Variants in DGKI observed in about 807,000 individuals in gnomAD.
DGKI encodes diacylglycerol kinase iota, also known as DAG kinase iota.
DGKI carries 55 observed loss-of-function variants against 147.5 expected under a neutral mutation model. The ratio of observed to expected loss-of-function variants is 0.37; its 90% confidence interval spans 0.30 to 0.47. The LOEUF (loss-of-function observed/expected upper bound fraction) is 0.47. Ranked by LOEUF, DGKI falls within the 20% of genes least tolerant of loss-of-function variation. The pLI is 1.00. For missense variants in DGKI, 1,007 were observed against 1,323.8 expected, an observed-to-expected ratio of 0.76 and a Z score of 3.71; for synonymous variants, 469 against 477.1, an observed-to-expected ratio of 0.98 and a Z score of 0.22.
At chr7:137,678,804 T>G in intron 2 of DGKI, 152 bp from the exon 3 acceptor site, 1 of 681,350 alleles carries the variant, frequency 1.5e-6, no homozygotes, top group Non-Finnish European at 2.5e-6. Context: ...TAGAGTTGAT[T>G]CTCCCGAAAT....
At chr7:137,767,014 C>T (rs1010709843) in intron 1 of DGKI, among the ~76,000 whole-genome samples, 1 of 152,174 alleles carries the variant, frequency 6.6e-6, no homozygotes, top group African/African-American at 2.4e-5. Flanking sequence ...GGGCCACTAC[C>T]AGACGAGCCG....
intron 1 of DGKI, among the ~76,000 whole-genome samples, chr7:137,754,022 G>T (rs1005540653): frequency 1.3e-5 from 2 of 152,144 alleles, no homozygotes; most frequent in Non-Finnish European, 2.9e-5. Flanking sequence ...CCCTAACTGG[G>T]AACTATGTTG....
At chr7:137,579,187 C>T (rs1011542715) in intron 15 of DGKI, among the ~76,000 whole-genome samples, 37 of 151,788 alleles carry the variant, frequency 2.4e-4, no homozygotes, top group Admixed American at 2.0e-3. Flanking sequence ...TTTGTGTTAC[C>T]CTTTAGGTAT....
At chr7:137,794,531 A>C (rs1387315734) in intron 1 of DGKI, among the ~76,000 whole-genome samples, 1 of 152,242 alleles carries the variant, frequency 6.6e-6, no homozygotes, top group Non-Finnish European at 1.5e-5. Flanking sequence ...GTGTGCATAA[A>C]TCACCTTGTT....
chr7:137,588,149 G>A (rs1264109665), intron 12 of DGKI, among the ~76,000 whole-genome samples: 5 of 152,270 alleles, frequency 3.3e-5, no homozygotes, highest in East Asian at 1.9e-4. Flanking sequence ...CTCATAGGAC[G>A]TTGATCAGTT....
intron 20 of DGKI, among the ~76,000 whole-genome samples, chr7:137,549,075 C>A (rs568600012): frequency 6.9e-4 from 105 of 152,196 alleles, no homozygotes; most frequent in African/African-American, 2.5e-3. Flanking sequence ...CTGAGGGAAC[C>A]CCAGAGGCCA....
chr7:137,575,131 T>C (rs6969227), intron 17 of DGKI, among the ~76,000 whole-genome samples: 9,805 of 152,224 alleles, frequency 0.064, 799 homozygotes, highest in African/African-American at 0.19. Flanking sequence ...GAAAGCAAAC[T>C]CCTCTGAAAG....
chr7:137,501,889 G>A (rs959709975), intron 21 of DGKI, among the ~76,000 whole-genome samples: 1 of 152,120 alleles, frequency 6.6e-6, no homozygotes, highest in Non-Finnish European at 1.5e-5. Context: ...TTGTGGGAGG[G>A]ACCTGGTGGG....
chr7:137,439,152 G>A (rs1813394814), intron 28 of DGKI, among the ~76,000 whole-genome samples: 1 of 152,114 alleles, frequency 6.6e-6, no homozygotes, highest in Non-Finnish European at 1.5e-5. Context: ...TATTTAAACT[G>A]AGCAGATAAC....
chr7:137,557,796 T>A (rs1187473610), intron 19 of DGKI, among the ~76,000 whole-genome samples: 29 of 151,956 alleles, frequency 1.9e-4, no homozygotes, highest in Admixed American at 1.9e-3. Flanking sequence ...TTCTCCAGAG[T>A]TCTAGTTCTG....
chr7:137,443,977 G>C (rs973039012), intron 28 of DGKI, 100 bp downstream of exon 28: 1 of 975,830 alleles, frequency 1.0e-6, no homozygotes, highest in African/African-American at 1.7e-5. Context: ...ATATCTTAGA[G>C]ACATTTGCTT....
At chr7:137,749,954 G>T (rs931068328) in intron 1 of DGKI, among the ~76,000 whole-genome samples, 3 of 152,184 alleles carry the variant, frequency 2.0e-5, no homozygotes, top group Non-Finnish European at 4.4e-5. Context: ...CAGTGGGGTT[G>T]GGTAGGAGCA....
At chr7:137,478,555 G>A (rs1815258589) in intron 23 of DGKI, among the ~76,000 whole-genome samples, 1 of 152,194 alleles carries the variant, frequency 6.6e-6, no homozygotes, top group Non-Finnish European at 1.5e-5. Flanking sequence ...GCTCACATCA[G>A]GTAAACACCT....
intron 20 of DGKI, among the ~76,000 whole-genome samples, chr7:137,534,317 G>A (rs779028970): frequency 2.6e-5 from 4 of 151,774 alleles, no homozygotes; most frequent in Admixed American, 2.6e-4. Flanking sequence ...TATAATGGTC[G>A]GTCCAAAAAT....
At chr7:137,428,632 T>TGG (rs926051249) in intron 28 of DGKI, among the ~76,000 whole-genome samples, 1 of 152,140 alleles carries the variant, frequency 6.6e-6, no homozygotes, top group African/African-American at 2.4e-5. Context: ...GCAGATGACA[T>TGG]GATTGTATAT....
At chr7:137,715,152 G>A (rs551814520) in intron 1 of DGKI, among the ~76,000 whole-genome samples, 1 of 152,280 alleles carries the variant, frequency 6.6e-6, no homozygotes, top group South Asian at 2.1e-4. Context: ...AAGACCAGTG[G>A]TCTGGTTTTT....
At chr7:137,711,067 C>T (rs1481144721) in intron 1 of DGKI, among the ~76,000 whole-genome samples, 1 of 152,186 alleles carries the variant, frequency 6.6e-6, no homozygotes, top group Non-Finnish European at 1.5e-5. Flanking sequence ...CATCATTCCT[C>T]TACCACTTTA....
chr7:137,440,978 T>C (rs1585117924), intron 28 of DGKI, among the ~76,000 whole-genome samples: 1 of 152,274 alleles, frequency 6.6e-6, no homozygotes, highest in East Asian at 1.9e-4. Flanking sequence ...AATTTAATGA[T>C]AATGAAAAAA....
At chr7:137,648,520 C>A (rs541251620) in intron 5 of DGKI, among the ~76,000 whole-genome samples, 150 of 152,310 alleles carry the variant, frequency 9.8e-4, no homozygotes, top group African/African-American at 3.4e-3. Context: ...CCAAACTTTA[C>A]ATATACAACG....
Sources: allele counts gnomAD v4.1 joint callset (sites outside exome capture counted in the v4.1 genomes callset), GRCh38; gene constraint gnomAD v4.1.1; transcripts MANE v1.5; gene names NCBI Gene and HGNC (gene_info 2026-07-23, HGNC 2026-07-21).